Variants in USP43 observed in about 807,000 individuals in gnomAD.
USP43 encodes the protein ubiquitin carboxyl-terminal hydrolase 43.
A neutral mutation model predicts 90.7 loss-of-function variants in USP43; 33 were observed. That is an observed-to-expected ratio of 0.36 (90% CI 0.28 to 0.49). The LOEUF is 0.49. Among genes scored for constraint, USP43 ranks in the 20% least tolerant of loss-of-function variants. The pLI is 0.98. For synonymous variants in USP43, 598 were observed against 615.8 expected (o/e 0.97, Z 0.43); for missense variants, 1,274 against 1,476.4 (o/e 0.86, Z 2.25).
chr17:9,701,070 G>T lies in USP43; in HGVS notation c.1536-49G>T. On this transcript the variant is annotated intron_variant, in intron 10 of 14. Coordinates refer to ENST00000285199, the MANE Select transcript of USP43 (RefSeq NM_153210.5). The surrounding 1 kb of genome is among the most constrained non-coding windows in gnomAD (Gnocchi z 7.2). ...GTGAGTAGAGACATAGACGAAACCT[G>T]TCTGGGAGCAGGAAAGTCCTGAACG... 1 of 1,439,484 alleles carries T rather than the reference G, an allele frequency of 6.9e-7. No individual in the cohort carries two copies. Among genetic ancestry groups the T allele is most frequent in the Non-Finnish European group, 9.1e-7 (1 of 1,093,684 alleles). 89.2% of individuals were successfully genotyped at this position (1,439,484 alleles called of 1,614,324 possible). A position where few individuals can be genotyped will look rare whatever the true frequency, so the allele number is the denominator to read the frequency against.
chr17:9,661,549 G>A (rs1912638767), intron 2 of USP43, among the ~76,000 whole-genome samples: 2 of 152,048 alleles, frequency 1.3e-5, no homozygotes, highest in Non-Finnish European at 2.9e-5. Context: ...GTGGATACAA[G>A]GTCTCACTAT....
intron 2 of USP43, among the ~76,000 whole-genome samples, chr17:9,657,606 G>T (rs1912353203): frequency 6.6e-6 from 1 of 152,118 alleles, no homozygotes; most frequent in African/African-American, 2.4e-5. Context: ...GAGGCCTCAG[G>T]AAACTTACAA....
At chr17:9,716,205 T>C (rs16958678) in intron 14 of USP43, among the ~76,000 whole-genome samples, 20,885 of 152,090 alleles carry the variant, frequency 0.14, 3,077 homozygotes, top group African/African-American at 0.38. Flanking sequence ...TATTTCTTGT[T>C]AGGTCCTAAC....
At chr17:9,697,094 G>A (rs548504427) in intron 9 of USP43, among the ~76,000 whole-genome samples, 11 of 152,176 alleles carry the variant, frequency 7.2e-5, no homozygotes, top group Admixed American at 5.2e-4. Context: ...GCACACACCT[G>A]TAATCCCAGC....
intron 3 of USP43, among the ~76,000 whole-genome samples, chr17:9,672,217 G>C (rs187099818): frequency 6.6e-6 from 1 of 152,054 alleles, no homozygotes; most frequent in African/African-American, 2.4e-5. Flanking sequence ...GGTTGGTCTC[G>C]AACTTCTGAC....
At chr17:9,651,794 G>A (rs1911880161) in intron 1 of USP43, among the ~76,000 whole-genome samples, 2 of 151,782 alleles carry the variant, frequency 1.3e-5, no homozygotes, top group African/African-American at 4.8e-5. Flanking sequence ...TGGAAGTTCT[G>A]GACAAAATAG....
intron 6 of USP43, among the ~76,000 whole-genome samples, chr17:9,681,555 G>C (rs112982494): frequency 7.3e-6 from 1 of 136,886 alleles, no homozygotes; most frequent in Non-Finnish European, 1.6e-5. Flanking sequence ...GTGCAGTGGC[G>C]TGATCTTGGC....
chr17:9,725,207 T>C (rs925051351), intron 14 of USP43, among the ~76,000 whole-genome samples: 1 of 151,954 alleles, frequency 6.6e-6, no homozygotes, highest in Non-Finnish European at 1.5e-5. Context: ...AAAAAGCACA[T>C]TATGAATGCT....
intron 9 of USP43, among the ~76,000 whole-genome samples, chr17:9,699,747 AG>A (rs972786596): frequency 1.1e-4 from 17 of 152,206 alleles, no homozygotes; most frequent in African/African-American, 3.9e-4. Flanking sequence ...TAGGTTGTGG[AG>A]GGGGGCTTAA....
intron 5 of USP43, 112 bp downstream of exon 5, chr17:9,676,993 C>T: frequency 7.3e-7 from 1 of 1,364,944 alleles, no homozygotes; most frequent in Non-Finnish European, 9.8e-7. Context: ...CAGTATGACT[C>T]ATGGGTTTCT....
rs756708050 is a variant in USP43 at position 9,645,978 on chromosome 17, G to T, written c.346G>T (p.Val116Leu). ...HGNTCFMNAV[V>L]QCLSNTDLLA... The stretch of plus-strand genomic sequence containing the variant: ...CAACACCTGTTTCATGAACGCGGTG[G>T]TGCAGTGTCTCAGCAACACCGACCT... Residue 116 changes from valine (V) to leucine (L), a missense_variant, in exon 1 of 15, where the codon GTG (valine) becomes TTG (leucine). By Grantham distance (32) the Val-to-Leu change is conservative (BLOSUM62 1). Transcript: ENST00000285199. This position sits in a 1 kb window ranked among gnomAD's most constrained non-coding sequence, Gnocchi z 6.8. 6.8e-7 allele frequency: 1 copy of T among 1,481,160 alleles called. No homozygotes were observed. The highest frequency in any genetic ancestry group is 1.3e-5 in the South Asian group (1 of 75,424). 91.8% of individuals were successfully genotyped at this position (1,481,160 alleles called of 1,614,324 possible).
chr17:9,676,637 G>A lies in USP43; in HGVS notation c.834-109G>A, dbSNP rs1412067522. 7 of 1,363,494 alleles carry A rather than the reference G, an allele frequency of 5.1e-6. No homozygotes were observed. The African/African-American group carries it at 7.3e-5, about 14-fold the overall frequency. The allele number at this position is 1,363,494 out of a possible 1,614,324, so 84.5% of individuals were successfully genotyped here. A position where few individuals can be genotyped will look rare whatever the true frequency, so the allele number is the denominator to read the frequency against. ...TCCACCTGCTTCAGCCTCCCAAAAT[G>A]CTAGGATTACAGGTGTGAGCCACTG... On this transcript the variant is annotated intron_variant, in intron 4 of 14. Transcript: ENST00000285199.
intron 7 of USP43, among the ~76,000 whole-genome samples, chr17:9,683,732 T>C (rs867941786): frequency 1.3e-5 from 2 of 152,230 alleles, no homozygotes; most frequent in Non-Finnish European, 2.9e-5. Context: ...TTCATATTAC[T>C]ACAGAGTGAG....
At chr17:9,704,473 G>A (rs1180651136) in intron 12 of USP43, among the ~76,000 whole-genome samples, 1 of 151,600 alleles carries the variant, frequency 6.6e-6, no homozygotes, top group Admixed American at 6.6e-5. Flanking sequence ...TCGCCACCAC[G>A]CCTGGCTAAT....
intron 3 of USP43, among the ~76,000 whole-genome samples, chr17:9,673,713 A>G (rs1312262033): frequency 2.0e-5 from 3 of 152,188 alleles, no homozygotes; most frequent in Non-Finnish European, 2.9e-5. Flanking sequence ...TTTCTTACTT[A>G]AGAGCTGTGT....
intron 2 of USP43, among the ~76,000 whole-genome samples, chr17:9,660,909 G>A (rs945854369): frequency 1.3e-5 from 2 of 152,254 alleles, no homozygotes; most frequent in Non-Finnish European, 2.9e-5. Context: ...GCGGAGGCCC[G>A]GCTGTGTACG....
rs370602180 is a variant in USP43 at position 9,691,900 on chromosome 17, G to A, written c.1354-1227G>A. Among the ~76,000 whole-genome samples, 59 of 151,636 alleles carry A rather than the reference G, an allele frequency of 3.9e-4. 1 individual carries two copies. The East Asian group carries it at 8.2e-3, about 21-fold the overall frequency. On this transcript the variant is annotated intron_variant, in intron 8 of 14. Coordinates refer to ENST00000285199, the MANE Select transcript of USP43 (RefSeq NM_153210.5). ...ACTAAAAATACAAAAAAAATTAGCC[G>A]GGTGTGGTGGCGGGCGCCCGTAGTC...
intron 9 of USP43, among the ~76,000 whole-genome samples, chr17:9,696,527 T>C (rs180791402): frequency 2.0e-3 from 312 of 152,312 alleles, no homozygotes; most frequent in Middle Eastern, 0.014. Flanking sequence ...TTCTCTGGAT[T>C]GCAGACCTGC....
intron 8 of USP43, among the ~76,000 whole-genome samples, chr17:9,687,563 AAT>A (rs1440454443): frequency 5.9e-5 from 9 of 152,360 alleles, no homozygotes; most frequent in Non-Finnish European, 1.2e-4. Context: ...TAGCTCCTAT[AAT>A]ATCAGAAACT....
Sources: allele counts gnomAD v4.1 joint callset (sites outside exome capture counted in the v4.1 genomes callset), GRCh38; gene constraint gnomAD v4.1.1; non-coding constraint Gnocchi (gnomAD v3.1); transcripts MANE v1.5; gene names NCBI Gene and HGNC (gene_info 2026-07-23, HGNC 2026-07-21).